The following COG6 variants were observed in gnomAD, a reference collection of about 807,000 sequenced individuals.
The protein encoded by COG6 is component of oligomeric golgi complex 6.
In COG6, 74 loss-of-function variants were observed where a neutral mutation model predicts 88.8. That is an observed-to-expected ratio of 0.83 (90% CI 0.69 to 1.01). The LOEUF (loss-of-function observed/expected upper bound fraction) is 1.01. Among genes scored for constraint, COG6 ranks in the 50% least tolerant of loss-of-function variants. The pLI is 0.00. For synonymous variants in COG6, 286 were observed against 278.7 expected, an observed-to-expected ratio of 1.03 and a Z score of -0.26; for missense variants, 800 against 797.9, an observed-to-expected ratio of 1.00 and a Z score of -0.03.
intron 18 of COG6, among the ~76,000 whole-genome samples, chr13:39,766,778 G>T (rs1358726779): frequency 6.6e-6 from 1 of 152,208 alleles, no homozygotes; most frequent in Non-Finnish European, 1.5e-5. Flanking sequence ...ACTTGGACAG[G>T]TTGAGAGTTC....
At chr13:39,766,410 G>A (rs1361284178) in intron 18 of COG6, among the ~76,000 whole-genome samples, 1 of 152,120 alleles carries the variant, frequency 6.6e-6, no homozygotes, top group Non-Finnish European at 1.5e-5. Context: ...AGGATTCTGG[G>A]CATCCAGTCA....
At chr13:39,723,628 T>C (rs1878972559) in intron 16 of COG6, among the ~76,000 whole-genome samples, 188 bp downstream of exon 16, 1 of 152,038 alleles carries the variant, frequency 6.6e-6, no homozygotes, top group South Asian at 2.1e-4. Context: ...TGTCATAGGA[T>C]TGTTCTTAAG....
intron 11 of COG6, among the ~76,000 whole-genome samples, chr13:39,692,174 G>T (rs113460118): frequency 3.0e-4 from 45 of 152,114 alleles, no homozygotes; most frequent in African/African-American, 1.1e-3. Flanking sequence ...GTTTAAGATT[G>T]CATATGTTGT....
chr13:39,735,088 T>G (rs891332697), intron 18 of COG6, among the ~76,000 whole-genome samples: 1 of 152,110 alleles, frequency 6.6e-6, no homozygotes, highest in Non-Finnish European at 1.5e-5. Context: ...TTGGAGACCA[T>G]AGTCCATTTA....
Position 39,672,838 on chromosome 13 carries a change from G to A in COG6, c.429-4630G>A, listed in dbSNP as rs1300145053. On this transcript the variant is annotated intron_variant, in intron 4 of 18. Transcript: ENST00000455146. ...TGCCACACTGTTTTCCGAAGAAGCT[G>A]CACAGTTTTACATTTCCAAAAGCAG... Among the ~76,000 whole-genome samples the A allele has an allele frequency of 2.0e-5, 3 of 152,122 alleles. No individual in the cohort carries two copies. In the East Asian group the frequency reaches 5.8e-4, roughly 29 times the overall value.
At chr13:39,698,365 G>A (rs1877390598) in intron 12 of COG6, among the ~76,000 whole-genome samples, 1 of 151,658 alleles carries the variant, frequency 6.6e-6, no homozygotes, top group Admixed American at 6.6e-5. Flanking sequence ...TTAGTATTTG[G>A]CATACAATAT....
intron 13 of COG6, among the ~76,000 whole-genome samples, chr13:39,705,026 A>G (rs1337844209): frequency 6.6e-6 from 1 of 152,154 alleles, no homozygotes; most frequent in African/African-American, 2.4e-5. Context: ...TTAATGTTCC[A>G]TAATTTTATA....
At chr13:39,666,776 T>G (rs1875298224) in intron 4 of COG6, among the ~76,000 whole-genome samples, 1 of 152,204 alleles carries the variant, frequency 6.6e-6, no homozygotes, top group Non-Finnish European at 1.5e-5. Flanking sequence ...TGGTAACCAA[T>G]GTAACTTACT....
downstream of COG6, among the ~76,000 whole-genome samples, chr13:39,754,652 A>G (rs1880775145): frequency 6.6e-6 from 1 of 152,216 alleles, no homozygotes; most frequent in Admixed American, 6.5e-5. Context: ...AACTCAATAT[A>G]TGAGAGCTAT....
intron 4 of COG6, among the ~76,000 whole-genome samples, chr13:39,665,993 A>G (rs1485518076): frequency 2.6e-5 from 4 of 152,172 alleles, no homozygotes; most frequent in Admixed American, 2.0e-4. Flanking sequence ...CATACTGTCT[A>G]TGGCTGCTTT....
chr13:39,660,370 A>G (rs141838566), intron 2 of COG6, among the ~76,000 whole-genome samples: 23 of 152,258 alleles, frequency 1.5e-4, no homozygotes, highest in African/African-American at 5.1e-4. Flanking sequence ...TCTTTTAAAC[A>G]TCATTTCCTA....
At position 39,751,692 on chromosome 13, in the gene COG6, T is replaced by C. The variant is rs1880641838; in HGVS notation, c.*599T>C. 2 of 1,286,888 alleles carry C rather than the reference T, an allele frequency of 1.6e-6. No individual in the cohort carries two copies. Among genetic ancestry groups the C allele is most frequent in the African/African-American group, 1.5e-5 (1 of 65,886 alleles). 79.7% of individuals were successfully genotyped at this position (1,286,888 alleles called of 1,614,324 possible). ...TTCTACTTTAGCATACTATATATAT[T>C]TGACTGTGTACATTCTTATGCAATT... On this transcript the variant is annotated 3_prime_UTR_variant, in exon 19 of 19. Transcript: ENST00000455146.
At chr13:39,727,214 G>A (rs1391940764) in intron 17 of COG6, among the ~76,000 whole-genome samples, 3 of 151,998 alleles carry the variant, frequency 2.0e-5, no homozygotes, top group Non-Finnish European at 4.4e-5. Flanking sequence ...GCTTTGTGAG[G>A]AAGACTAAAA....
At chr13:39,775,627 G>A (rs909335915) in intron 18 of COG6, among the ~76,000 whole-genome samples, 1 of 152,040 alleles carries the variant, frequency 6.6e-6, no homozygotes, top group Non-Finnish European at 1.5e-5. Context: ...TTGCTTGAGT[G>A]GCTCACAAAG....
At chr13:39,753,163 G>A (rs1171062299), downstream of COG6, among the ~76,000 whole-genome samples, 1 of 152,158 alleles carries the variant, frequency 6.6e-6, no homozygotes, top group East Asian at 1.9e-4. Context: ...GTATTAGGAG[G>A]TGGGTCCTTT....
In COG6 at chr13:39,723,437, A is replaced by G. The variant is rs1566196442; in HGVS notation, c.1689A>G (p.Glu563=). 4 of 1,547,622 alleles carry G rather than the reference A, an allele frequency of 2.6e-6. No individual in the cohort carries two copies. The highest frequency in any genetic ancestry group is 3.6e-6 in the Non-Finnish European group (4 of 1,119,764). ...ACACTGTACAGCAACATAAACCTGA[A>G]CAGGTAAGTGCATAGATGTTCCTTC... is the stretch of plus-strand genomic sequence containing the variant. ...IYNTVQQHKP[E]QGSLANMPNL... The change falls in exon 16 of 19, where the codon GAA becomes GAG. Residue 563 remains glutamate (E), a synonymous_variant. Transcript: ENST00000455146.
intron 18 of COG6, among the ~76,000 whole-genome samples, chr13:39,774,398 A>G (rs372479002): frequency 3.3e-5 from 5 of 152,170 alleles, no homozygotes; most frequent in Non-Finnish European, 4.4e-5. Context: ...GTTACAACTG[A>G]TGCTCAAAAA....
At chr13:39,724,697 A>G (rs1412789743) in intron 17 of COG6, 136 bp downstream of exon 17, 3 of 710,310 alleles carry the variant, frequency 4.2e-6, no homozygotes, top group Non-Finnish European at 7.5e-6. Flanking sequence ...GTCCAATAAT[A>G]ATGACTGAGC....
intron 13 of COG6, among the ~76,000 whole-genome samples, chr13:39,708,267 T>C (rs996451322): frequency 2.0e-5 from 3 of 152,230 alleles, no homozygotes; most frequent in African/African-American, 7.2e-5. Flanking sequence ...TTCAAACATG[T>C]GTTTGGATAC....
Sources: gnomAD v4.1 joint callset for allele counts (sites outside exome capture counted in the v4.1 genomes callset) on GRCh38, gnomAD v4.1.1 for gene constraint, MANE v1.5 for transcripts, NCBI Gene and HGNC (gene_info 2026-07-23, HGNC 2026-07-21) for gene names.